Variants in POFUT3 observed in about 807,000 individuals in gnomAD.
The protein encoded by POFUT3 is GDP-fucose protein O-fucosyltransferase 3.
the POFUT3 span, among the ~76,000 whole-genome samples, chr8:33,387,090 GGTGTGTGTGTGTTT>G: frequency 6.6e-6 from 1 of 151,724 alleles, no homozygotes; most frequent in African/African-American, 2.4e-5. Flanking sequence ...CACATGGGTG[GGTGTGTGTGTGTTT>G]GTGTGTGTGT....
the POFUT3 span, among the ~76,000 whole-genome samples, chr8:33,441,147 A>G: frequency 6.6e-6 from 1 of 151,938 alleles, no homozygotes; most frequent in Admixed American, 6.6e-5. Context: ...CCTGGCCAAC[A>G]TGGTGAAACC....
chr8:33,355,631 T>C, the POFUT3 span, among the ~76,000 whole-genome samples: 2 of 152,324 alleles, frequency 1.3e-5, no homozygotes, highest in South Asian at 4.1e-4. Context: ...TATGTCCTGC[T>C]TCATCATCTC....
chr8:33,415,895 G>C, the POFUT3 span, among the ~76,000 whole-genome samples: 1 of 152,166 alleles, frequency 6.6e-6, no homozygotes, highest in Non-Finnish European at 1.5e-5. Flanking sequence ...ATGTCTATAA[G>C]CTTCTCTCCC....
chr8:33,317,658 C>G, the POFUT3 span, among the ~76,000 whole-genome samples: 1 of 152,084 alleles, frequency 6.6e-6, no homozygotes, highest in Non-Finnish European at 1.5e-5. Flanking sequence ...CAAGTGTGAG[C>G]TGCCCAATTC....
chr8:33,314,851 G>A, the POFUT3 span, among the ~76,000 whole-genome samples: 3 of 152,050 alleles, frequency 2.0e-5, no homozygotes, highest in East Asian at 1.9e-4. Context: ...TAATAACACC[G>A]CCTTTACAGA....
At chr8:33,369,672 T>C in the POFUT3 span, among the ~76,000 whole-genome samples, 39 of 152,190 alleles carry the variant, frequency 2.6e-4, no homozygotes, top group African/African-American at 8.7e-4. Flanking sequence ...TGTGCTTGAA[T>C]TCATACAGTC....
At chr8:33,327,626 A>G in the POFUT3 span, among the ~76,000 whole-genome samples, 4 of 152,198 alleles carry the variant, frequency 2.6e-5, no homozygotes, top group African/African-American at 9.7e-5. Context: ...TCCGTTTCAC[A>G]CACAAGTTCA....
chr8:33,354,697 G>T, the POFUT3 span, among the ~76,000 whole-genome samples: 15 of 152,046 alleles, frequency 9.9e-5, no homozygotes, highest in Non-Finnish European at 1.8e-4. Flanking sequence ...AGTCAACTTG[G>T]CATATAAAAT....
the POFUT3 span, among the ~76,000 whole-genome samples, chr8:33,380,072 T>C: frequency 4.0e-5 from 3 of 75,596 alleles, no homozygotes; most frequent in African/African-American, 2.2e-4. Flanking sequence ...ACACTATATA[T>C]ATACACTATA....
At chr8:33,418,774 C>T in the POFUT3 span, among the ~76,000 whole-genome samples, 5 of 152,302 alleles carry the variant, frequency 3.3e-5, no homozygotes, top group East Asian at 3.9e-4. Flanking sequence ...AACACCTGCA[C>T]CCCCGTCTTT....
chr8:33,411,712 C>T, the POFUT3 span, among the ~76,000 whole-genome samples: 1 of 152,012 alleles, frequency 6.6e-6, no homozygotes, highest in Non-Finnish European at 1.5e-5. Flanking sequence ...CACTTGAACC[C>T]GGGAGGTGGA....
At chr8:33,362,065 ATCTATCGGCAGAAACC>A in the POFUT3 span, among the ~76,000 whole-genome samples, 1 of 152,226 alleles carries the variant, frequency 6.6e-6, no homozygotes, top group African/African-American at 2.4e-5. Flanking sequence ...CTAACAGCAG[ATCTATCGGCAGAAACC>A]CTACAAGCCA....
the POFUT3 span, among the ~76,000 whole-genome samples, chr8:33,323,879 A>G: frequency 6.6e-6 from 1 of 152,144 alleles, no homozygotes; most frequent in Non-Finnish European, 1.5e-5. Flanking sequence ...CCCCTCTTTC[A>G]TGCTTTAGTT....
chr8:33,444,366 A>G, the POFUT3 span, among the ~76,000 whole-genome samples: 1 of 152,076 alleles, frequency 6.6e-6, no homozygotes, highest in African/African-American at 2.4e-5. Context: ...GCAGAGCAGC[A>G]TGGGGAGGAG....
At chr8:33,334,581 C>T in the POFUT3 span, among the ~76,000 whole-genome samples, 11 of 152,332 alleles carry the variant, frequency 7.2e-5, no homozygotes, top group African/African-American at 2.4e-4. Flanking sequence ...GCATTTCTAA[C>T]ATGTTCCCAG....
At chr8:33,460,377 T>C in the POFUT3 span, among the ~76,000 whole-genome samples, 1 of 152,132 alleles carries the variant, frequency 6.6e-6, no homozygotes, top group African/African-American at 2.4e-5. Flanking sequence ...AATAAATAAA[T>C]AGAAATCCAT....
the POFUT3 span, chr8:33,460,842 T>A: frequency 8.2e-6 from 5 of 612,210 alleles, no homozygotes; most frequent in Non-Finnish European, 1.0e-5. Flanking sequence ...CTGGGAGGTA[T>A]TTTCTCCCAG....
the POFUT3 span, among the ~76,000 whole-genome samples, chr8:33,386,539 T>C: frequency 6.6e-6 from 1 of 152,092 alleles, no homozygotes; most frequent in African/African-American, 2.4e-5. Context: ...CGCTGGGCGC[T>C]GTGGCTCATG....
At chr8:33,410,345 C>T in the POFUT3 span, among the ~76,000 whole-genome samples, 76 of 152,248 alleles carry the variant, frequency 5.0e-4, no homozygotes, top group Middle Eastern at 6.8e-3. Context: ...TTTTCAGTTC[C>T]TCACATCTTC....
Sources: allele counts gnomAD v4.1 joint callset (sites outside exome capture counted in the v4.1 genomes callset), GRCh38; gene constraint gnomAD v4.1.1; transcripts MANE v1.5; gene names NCBI Gene and HGNC (gene_info 2026-07-23, HGNC 2026-07-21).